SMARCA2: variants seen among roughly 807,000 people sequenced by gnomAD.
SMARCA2 encodes the protein SWI/SNF-related matrix-associated actin-dependent regulator of chromatin subfamily A member 2.
A neutral mutation model predicts 199.8 loss-of-function variants in SMARCA2; 61 were observed. The ratio of observed to expected loss-of-function variants is 0.31; its 90% CI spans 0.25 to 0.38. The LOEUF is 0.38. Ranked by LOEUF, SMARCA2 falls within the 10% of genes least tolerant of loss-of-function variation. SMARCA2 has a pLI of 1.00. For synonymous variants in SMARCA2, 935 were observed against 732.0 expected (o/e 1.28, Z -4.48); for missense variants, 1,344 against 2,012.2 (o/e 0.67, Z 6.35).
chr9:2,076,024 C>T (rs1171864638), intron 12 of SMARCA2, among the ~76,000 whole-genome samples: 1 of 152,142 alleles, frequency 6.6e-6, no homozygotes, highest in Admixed American at 6.5e-5. Context: ...GAGTTCCCTT[C>T]ATTATCTCAT....
Position 2,123,685 on chromosome 9 carries a change from T to G in SMARCA2, c.3763-34T>G, listed in dbSNP as rs376947227. 4,548 of 1,594,300 alleles carry G rather than the reference T, an allele frequency of 2.9e-3. 111 individuals carry two copies. The African/African-American group carries it at 0.054, about 19-fold the overall frequency. ...GGAAGTCTGCACCATACAGAAGCCC[T>G]GACTTTCGGTGACCCTCTTATTAAT... On this transcript the variant is annotated intron_variant, in intron 26 of 33. Coordinates refer to ENST00000349721, the MANE Select transcript of SMARCA2 (RefSeq NM_003070.5). The surrounding 1 kb of genome is among the most constrained non-coding windows in gnomAD (Gnocchi z 4.1).
At chr9:2,071,616 C>T (rs1355519768) in intron 10 of SMARCA2, among the ~76,000 whole-genome samples, 3 of 152,156 alleles carry the variant, frequency 2.0e-5, no homozygotes, top group African/African-American at 7.2e-5. Flanking sequence ...CACACGTGTC[C>T]TGTTTGCTAA....
At position 2,047,503 on chromosome 9, in the gene SMARCA2, A is replaced by C. The variant is rs1418853766; in HGVS notation, c.1046+19A>C. The C allele has an allele frequency of 7.2e-7, 1 of 1,391,072 alleles. No homozygotes were observed. The highest frequency in any genetic ancestry group is 9.4e-7 in the Non-Finnish European group (1 of 1,060,100). 86.2% of individuals were successfully genotyped at this position (1,391,072 alleles called of 1,614,324 possible). A position where few individuals can be genotyped will look rare whatever the true frequency, so the allele number is the denominator to read the frequency against. ...AATACAGGTAACGCACCCCGCCAGC[A>C]AGGGGCCCCCTGCGGTGTGCTAGCA... On this transcript the variant is annotated intron_variant, in intron 5 of 33. Coordinates refer to ENST00000349721, the MANE Select transcript of SMARCA2 (RefSeq NM_003070.5).
intron 27 of SMARCA2, chr9:2,160,755 C>T (rs955126368): frequency 2.4e-6 from 1 of 415,646 alleles, no homozygotes; most frequent in Non-Finnish European, 4.3e-6. Context: ...AATCTCAAAA[C>T]GTAATTTAAA....
chr9:2,118,107 T>C (rs558188294), intron 25 of SMARCA2, among the ~76,000 whole-genome samples: 36 of 152,270 alleles, frequency 2.4e-4, no homozygotes, highest in Middle Eastern at 3.4e-3. Flanking sequence ...CCCCTCATGG[T>C]CCAGGTGATG....
intron 9 of SMARCA2, among the ~76,000 whole-genome samples, chr9:2,064,680 A>C (rs1026424351): frequency 6.6e-6 from 1 of 152,202 alleles, no homozygotes; most frequent in East Asian, 1.9e-4. Context: ...TGAGGCATGC[A>C]GAAGAAAAAT....
chr9:2,120,521 A>T (rs1053224034), intron 26 of SMARCA2, among the ~76,000 whole-genome samples: 3 of 152,206 alleles, frequency 2.0e-5, no homozygotes, highest in African/African-American at 7.2e-5. Flanking sequence ...ATAACACTGC[A>T]TGCCAAACAA....
At chr9:2,126,624 C>T (rs763862633) in intron 27 of SMARCA2, among the ~76,000 whole-genome samples, 1 of 152,200 alleles carries the variant, frequency 6.6e-6, no homozygotes, top group Admixed American at 6.5e-5. Flanking sequence ...TGGCAAGGAC[C>T]GTCGTGTAAG....
intron 19 of SMARCA2, among the ~76,000 whole-genome samples, chr9:2,096,396 C>T (rs2130524302): frequency 6.6e-6 from 1 of 152,212 alleles, no homozygotes; most frequent in South Asian, 2.1e-4. Context: ...AATTTGGAAC[C>T]AAGTCAAGAA....
In SMARCA2 at chr9:2,056,123, C is replaced by G. The variant is rs975378715; in HGVS notation, c.1174-549C>G. ...TCATGATATAATATAAAATGTAGAT[C>G]TCTTGGAAAGAAGATCATTATTGGA... On this transcript the variant is annotated intron_variant, in intron 6 of 33. Coordinates refer to ENST00000349721, the MANE Select transcript of SMARCA2 (RefSeq NM_003070.5). The surrounding 1 kb of genome is among the most constrained non-coding windows in gnomAD (Gnocchi z 4.0). Among the ~76,000 whole-genome samples, 6 of 152,134 alleles carry G rather than the reference C, an allele frequency of 3.9e-5. No individual in the cohort carries two copies. The highest frequency in any genetic ancestry group is 8.8e-5 in the Non-Finnish European group (6 of 68,028).
chr9:2,047,448 T>C lies in SMARCA2; in HGVS notation c.1010T>C (p.Leu337Pro). The change falls in exon 5 of 34, where the codon CTG becomes CCG. Residue 337 changes from leucine (L) to proline (P), a missense_variant. Leu to Pro is a moderately conservative substitution (Grantham distance 98). Transcript: ENST00000349721. ...AGCCCCATCCAGAAACCGCAAGGCC[T>C]GGACCCCGTGGAAATTCTGCAAGAG... ...RISPIQKPQGLDPVEILQERE... is the reference protein window; with the variant it reads ...RISPIQKPQGPDPVEILQERE... The C allele has an allele frequency of 1.9e-6, 3 of 1,550,202 alleles. No homozygotes were observed. Among genetic ancestry groups the C allele is most frequent in the Non-Finnish European group, 2.6e-6 (3 of 1,152,760 alleles).
chr9:2,047,128 A>C (rs1307972113), intron 4 of SMARCA2, 101 bp from the exon 5 acceptor site: 1 of 881,654 alleles, frequency 1.1e-6, no homozygotes, highest in Non-Finnish European at 1.4e-6. Context: ...TAAGACACTT[A>C]ATGGTCCCCA....
rs377702967 is a variant in SMARCA2, at chr9:2,104,363, C to G, written c.3292+194C>G. 6.6e-6 allele frequency among the ~76,000 whole-genome samples: 1 copy of G among 152,140 alleles called. No individual in the cohort carries two copies. The highest frequency in any genetic ancestry group is 1.5e-5 in the Non-Finnish European group (1 of 68,018). The stretch of plus-strand genomic sequence containing the variant: ...TAAGCTGACCTCATTTGTGCAGCTG[C>G]ATAGCCCACAAATAAACCAACACAA... On this transcript the variant is annotated intron_variant, in intron 23 of 33. Transcript: ENST00000349721. The surrounding 1 kb of genome is among the most constrained non-coding windows in gnomAD (Gnocchi z 4.0).
intron 29 of SMARCA2, among the ~76,000 whole-genome samples, chr9:2,171,657 C>G (rs147752573): frequency 7.2e-5 from 11 of 152,300 alleles, no homozygotes; most frequent in African/African-American, 2.4e-4. Flanking sequence ...TGGATTCTGA[C>G]TTGGAGATTG....
At chr9:2,036,301 G>A (rs1819330320) in intron 3 of SMARCA2, among the ~76,000 whole-genome samples, 1 of 152,044 alleles carries the variant, frequency 6.6e-6, no homozygotes, top group South Asian at 2.1e-4. Flanking sequence ...CTGAGGCAAG[G>A]TGAAACTGGG....
chr9:2,183,740 T>C (rs1827223822), intron 31 of SMARCA2, among the ~76,000 whole-genome samples: 1 of 152,168 alleles, frequency 6.6e-6, no homozygotes. Context: ...AAGCAAGCCT[T>C]CTGTTACTCA....
At chr9:2,120,599 G>A (rs1312124190) in intron 26 of SMARCA2, among the ~76,000 whole-genome samples, 1 of 152,158 alleles carries the variant, frequency 6.6e-6, no homozygotes, top group Non-Finnish European at 1.5e-5. Flanking sequence ...TAGACAGAAT[G>A]GAACTCCACC....
At position 2,086,716 on chromosome 9, in the gene SMARCA2, C is replaced by A; in HGVS notation, c.2527-113C>A. 1 of 1,122,006 alleles carries A rather than the reference C, an allele frequency of 8.9e-7. No homozygotes were observed. The highest frequency in any genetic ancestry group is 1.4e-5 in the South Asian group (1 of 71,422). 69.5% of individuals were successfully genotyped at this position (1,122,006 alleles called of 1,614,324 possible). On this transcript the variant is annotated intron_variant, in intron 17 of 33. Transcript: ENST00000349721. This position sits in a 1 kb window ranked among gnomAD's most constrained non-coding sequence, Gnocchi z 4.3. ...TCCCTTGTCTCAAAGGTAATCACAG[C>A]ATATCATATACCAAGGATGGGTTCT... is the stretch of plus-strand genomic sequence containing the variant.
At chr9:2,149,709 A>T in intron 27 of SMARCA2, among the ~76,000 whole-genome samples, 1 of 151,476 alleles carries the variant, frequency 6.6e-6, no homozygotes, top group East Asian at 1.9e-4. Context: ...CACAGAGCCA[A>T]ACCATATCAC....
Sources: allele counts gnomAD v4.1 joint callset (sites outside exome capture counted in the v4.1 genomes callset), GRCh38; gene constraint gnomAD v4.1.1; non-coding constraint Gnocchi (gnomAD v3.1); transcripts MANE v1.5; gene names NCBI Gene and HGNC (gene_info 2026-07-23, HGNC 2026-07-21).